EYA4: variants seen among roughly 807,000 people sequenced by gnomAD.
The protein encoded by EYA4 is protein phosphatase EYA4.
Under a neutral mutation model 87.9 loss-of-function variants are expected in EYA4, and 31 were observed. The ratio of observed to expected loss-of-function variants is 0.35; its 90% CI spans 0.27 to 0.48. The LOEUF (loss-of-function observed/expected upper bound fraction) is 0.48. Ranked by LOEUF, EYA4 falls within the 20% of genes least tolerant of loss-of-function variation. The pLI, the probability that EYA4 is intolerant of heterozygous loss-of-function variation, is 0.99. For synonymous variants in EYA4, 263 were observed against 270.6 expected (o/e 0.97, Z 0.28); for missense variants, 678 against 761.4 (o/e 0.89, Z 1.29).
At chr6:133,274,611 CTACAAGTTACTAA>C in intron 1 of EYA4, 92 bp from the exon 2 acceptor site, 1 of 636,338 alleles carries the variant, frequency 1.6e-6, no homozygotes, top group Non-Finnish European at 2.8e-6. Flanking sequence ...GAGAATGCTC[CTACAAGTTACTAA>C]TTACCATGCT....
At chr6:133,458,856 T>A (rs1794135397) in intron 6 of EYA4, among the ~76,000 whole-genome samples, 1 of 152,150 alleles carries the variant, frequency 6.6e-6, no homozygotes, top group African/African-American at 2.4e-5. Context: ...TGTATTTAAA[T>A]TAATTTTCAG....
intron 2 of EYA4, among the ~76,000 whole-genome samples, chr6:133,280,451 C>T (rs1029272783): frequency 4.6e-5 from 7 of 151,710 alleles, no homozygotes; most frequent in African/African-American, 1.5e-4. Context: ...CTGTTGAGTA[C>T]GGTGGTACAA....
At chr6:133,441,749 C>T (rs544844577) in intron 3 of EYA4, among the ~76,000 whole-genome samples, 1 of 151,654 alleles carries the variant, frequency 6.6e-6, no homozygotes, top group Admixed American at 6.6e-5. Context: ...CAGAATGAGC[C>T]AGGGTGAAGC....
rs372657032 is a variant in EYA4 at position 133,279,070 on chromosome 6, T to A, written c.33+4257T>A. Among the ~76,000 whole-genome samples, 9 of 152,278 alleles carry A rather than the reference T, an allele frequency of 5.9e-5. 1 individual carries two copies. Among genetic ancestry groups the A allele is most frequent in the Admixed American group, 5.9e-4 (9 of 15,290 alleles). ...GAGGTGTTTTATAATCCTATTTTGGTGGTCCGGGATATTACTTCAGATTTT... is the reference window on the plus strand; with the variant it reads ...GAGGTGTTTTATAATCCTATTTTGGAGGTCCGGGATATTACTTCAGATTTT... On this transcript the variant is annotated intron_variant, in intron 2 of 19. Coordinates refer to ENST00000355286, the MANE Select transcript of EYA4 (RefSeq NM_004100.5).
At chr6:133,365,726 T>C (rs1257398748) in intron 2 of EYA4, among the ~76,000 whole-genome samples, 1 of 152,056 alleles carries the variant, frequency 6.6e-6, no homozygotes, top group Non-Finnish European at 1.5e-5. Flanking sequence ...GGGTGATACC[T>C]GGTTGTCTGG....
At position 133,473,161 on chromosome 6, in the gene EYA4, C is replaced by G. The variant is rs567683077; in HGVS notation, c.970+4430C>G. 3.9e-4 allele frequency among the ~76,000 whole-genome samples: 59 copies of G among 152,048 alleles called. 1 individual carries two copies. Among genetic ancestry groups the G allele is most frequent in the Admixed American group, 5.9e-4 (9 of 15,232 alleles). On this transcript the variant is annotated intron_variant, in intron 11 of 19. Coordinates refer to ENST00000355286, the MANE Select transcript of EYA4 (RefSeq NM_004100.5). ...GCAAGATCCAAATTCATCTCTACTT[C>G]TTTCTTATTCAGCTTTGGATGGGAG...
intron 2 of EYA4, among the ~76,000 whole-genome samples, chr6:133,367,282 C>CA (rs1385073226): frequency 6.6e-6 from 1 of 152,050 alleles, no homozygotes; most frequent in African/African-American, 2.4e-5. Flanking sequence ...GAGTAGAAGA[C>CA]ACGAAGAAAG....
chr6:133,381,496 GA>G (rs563276443), intron 2 of EYA4, among the ~76,000 whole-genome samples: 181 of 152,128 alleles, frequency 1.2e-3, no homozygotes, highest in Middle Eastern at 0.01. Context: ...ATATTCAGTA[GA>G]ATTTTTTTTT....
chr6:133,483,588 G>T (rs890050182), intron 13 of EYA4, among the ~76,000 whole-genome samples: 1 of 151,648 alleles, frequency 6.6e-6, no homozygotes, highest in African/African-American at 2.4e-5. Context: ...AACAGCAACC[G>T]AGGTAACACC....
At chr6:133,332,811 G>A (rs533671854) in intron 2 of EYA4, among the ~76,000 whole-genome samples, 6 of 149,528 alleles carry the variant, frequency 4.0e-5, no homozygotes, top group Non-Finnish European at 8.9e-5. Context: ...ATCCGCCCGC[G>A]TTGGCCTCGC....
intron 2 of EYA4, among the ~76,000 whole-genome samples, chr6:133,323,270 A>G (rs924915236): frequency 3.9e-5 from 6 of 152,074 alleles, no homozygotes; most frequent in Non-Finnish European, 8.8e-5. Flanking sequence ...TGTTTGTTAG[A>G]GGGTTTCAAT....
chr6:133,430,974 A>T (rs1458429255), intron 3 of EYA4, among the ~76,000 whole-genome samples: 1 of 152,218 alleles, frequency 6.6e-6, no homozygotes, highest in East Asian at 1.9e-4. Context: ...GAATCTCTGA[A>T]CAGGGGATGT....
intron 1 of EYA4, among the ~76,000 whole-genome samples, chr6:133,259,046 T>G (rs1775579298): frequency 6.6e-6 from 1 of 152,218 alleles, no homozygotes; most frequent in Admixed American, 6.5e-5. Flanking sequence ...TGATCTATAT[T>G]AATACGTCAA....
intron 3 of EYA4, 91 bp from the exon 4 acceptor site, chr6:133,446,539 A>G: frequency 7.0e-7 from 1 of 1,420,536 alleles, no homozygotes; most frequent in Non-Finnish European, 9.9e-7. Context: ...TATTACTGTG[A>G]GATCACGTGG....
At chr6:133,427,627 G>T (rs1284360605) in intron 3 of EYA4, among the ~76,000 whole-genome samples, 1 of 152,110 alleles carries the variant, frequency 6.6e-6, no homozygotes, top group African/African-American at 2.4e-5. Context: ...ACACGTACTA[G>T]ATATGTGTTA....
chr6:133,475,616 A>T (rs184356266), intron 11 of EYA4, among the ~76,000 whole-genome samples: 1 of 152,256 alleles, frequency 6.6e-6, no homozygotes, highest in East Asian at 1.9e-4. Flanking sequence ...ATGGAAACTA[A>T]CAAGAGGATT....
chr6:133,253,195 G>T (rs767652131), intron 1 of EYA4, among the ~76,000 whole-genome samples: 3 of 152,090 alleles, frequency 2.0e-5, no homozygotes, highest in Non-Finnish European at 4.4e-5. Flanking sequence ...GGCCGTTCTC[G>T]GGGAGTGTTG....
intron 16 of EYA4, among the ~76,000 whole-genome samples, chr6:133,515,057 T>C (rs773370976): frequency 6.6e-6 from 1 of 152,176 alleles, no homozygotes; most frequent in African/African-American, 2.4e-5. Context: ...CTGCGCTAGA[T>C]TGTAGGATCA....
At chr6:133,475,841 G>T (rs1795676092) in intron 11 of EYA4, among the ~76,000 whole-genome samples, 1 of 152,094 alleles carries the variant, frequency 6.6e-6, no homozygotes. Context: ...GATAGCACCT[G>T]CAAAAGGAAT....
Sources: allele counts gnomAD v4.1 joint callset (sites outside exome capture counted in the v4.1 genomes callset), GRCh38; gene constraint gnomAD v4.1.1; transcripts MANE v1.5; gene names NCBI Gene and HGNC (gene_info 2026-07-23, HGNC 2026-07-21).